HAPLN1: variants seen among roughly 807,000 people sequenced by gnomAD.
HAPLN1 encodes hyaluronan and proteoglycan link protein 1, also known as Cartilage link protein.
HAPLN1 carries 13 observed loss-of-function variants against 36.5 expected under a neutral mutation model. That is an observed-to-expected ratio of 0.36 (90% CI 0.23 to 0.57). The LOEUF is 0.57. HAPLN1 is among the 20% of genes least tolerant of loss of function. The pLI, the probability that HAPLN1 is intolerant of heterozygous loss-of-function variation, is 0.83. For missense variants in HAPLN1, 407 were observed against 439.7 expected (o/e 0.93, Z 0.66); for synonymous variants, 202 against 169.8 (o/e 1.19, Z -1.48).
chr5:83,671,695 T>C (rs1439008394), intron 2 of HAPLN1, among the ~76,000 whole-genome samples: 1 of 152,198 alleles, frequency 6.6e-6, no homozygotes, highest in Non-Finnish European at 1.5e-5. Context: ...GGTATTTCAT[T>C]TACGGGCATA....
intron 2 of HAPLN1, among the ~76,000 whole-genome samples, chr5:83,660,698 T>C (rs1336499555): frequency 6.6e-6 from 1 of 152,204 alleles, no homozygotes; most frequent in East Asian, 1.9e-4. Flanking sequence ...TTGTGGCTTC[T>C]GCCTTTCCAC....
Position 83,673,435 on chromosome 5 carries a change from A to C in HAPLN1, c.89T>G (p.Ile30Ser). 6.3e-7 allele frequency: 1 copy of C among 1,598,164 alleles called. No homozygotes were observed. The highest frequency in any genetic ancestry group is 8.5e-7 in the Non-Finnish European group (1 of 1,172,518). Residue 30 changes from isoleucine to serine, a missense_variant, in exon 2 of 5, where the codon ATT (isoleucine) becomes AGT (serine). Transcript: ENST00000274341. ...DNYTLDHDRA[I>S]HIQAENGPHL... ...CTGTGTTTCCTTACCTTGGATGTGA[A>C]TAGCTCTGTCATGATCCAGAGTATA...
chr5:83,649,821 A>T (rs1750002334), intron 3 of HAPLN1, among the ~76,000 whole-genome samples: 1 of 152,162 alleles, frequency 6.6e-6, no homozygotes, highest in South Asian at 2.1e-4. Context: ...GAAAGTTTAA[A>T]CACTTTGTAT....
intron 1 of HAPLN1, among the ~76,000 whole-genome samples, chr5:83,684,364 A>G (rs10155658): frequency 0.28 from 42,870 of 151,938 alleles, 6,639 homozygotes; most frequent in East Asian, 0.41. Context: ...GGGAAGCAAT[A>G]TAAAAGAACA....
At chr5:83,689,691 A>AT (rs910911452) in intron 1 of HAPLN1, among the ~76,000 whole-genome samples, 2 of 152,014 alleles carry the variant, frequency 1.3e-5, no homozygotes, top group Non-Finnish European at 2.9e-5. Flanking sequence ...AAAGGGAGAG[A>AT]TTTTTTTATT....
intron 2 of HAPLN1, among the ~76,000 whole-genome samples, 190 bp from the exon 3 acceptor site, chr5:83,653,014 G>A (rs1353738254): frequency 6.6e-6 from 1 of 152,076 alleles, no homozygotes; most frequent in African/African-American, 2.4e-5. Flanking sequence ...CTCTAAAGTA[G>A]TCATTTTTAA....
rs1398102592 is a variant in HAPLN1 at position 83,644,398 on chromosome 5, C to T, written c.740G>A (p.Arg247Lys). 3.8e-6 allele frequency: 6 copies of T among 1,589,534 alleles called. No individual in the cohort carries two copies. The highest frequency in any genetic ancestry group is 5.1e-6 in the Non-Finnish European group (6 of 1,170,458). ...NYGFWDKDKS[R>K]YDVFCFTSNF... ...GGATGTAAAACAGAAAACATCATAT[C>T]TGCTTTTATCTTTATCCCAAAATCC... The change falls in exon 4 of 5, where the codon AGA (arginine) becomes AAA (lysine). Residue 247 changes from arginine (R) to lysine (K), a missense_variant. Transcript: ENST00000274341.
At chr5:83,671,886 T>A (rs1750736344) in intron 2 of HAPLN1, among the ~76,000 whole-genome samples, 1 of 152,202 alleles carries the variant, frequency 6.6e-6, no homozygotes. Flanking sequence ...GGACAGTGTA[T>A]GCAAATAATC....
intron 1 of HAPLN1, among the ~76,000 whole-genome samples, chr5:83,718,135 C>A (rs1174207890): frequency 6.6e-6 from 1 of 152,204 alleles, no homozygotes; most frequent in Non-Finnish European, 1.5e-5. Flanking sequence ...AGTTATTAAG[C>A]TATATCCTTG....
At chr5:83,668,667 A>G (rs1750619221) in intron 2 of HAPLN1, among the ~76,000 whole-genome samples, 1 of 152,246 alleles carries the variant, frequency 6.6e-6, no homozygotes, top group Non-Finnish European at 1.5e-5. Context: ...ATTTAGAAGT[A>G]TCTCATTACC....
At chr5:83,647,884 G>T (rs1169195033) in intron 3 of HAPLN1, among the ~76,000 whole-genome samples, 1 of 152,104 alleles carries the variant, frequency 6.6e-6, no homozygotes, top group African/African-American at 2.4e-5. Context: ...CTGTCATAGT[G>T]CTTATCAGTG....
chr5:83,693,117 G>C (rs1019231257), intron 1 of HAPLN1, among the ~76,000 whole-genome samples: 2 of 151,928 alleles, frequency 1.3e-5, no homozygotes, highest in South Asian at 2.1e-4. Context: ...TGTCATAAAA[G>C]TTATATGAGT....
At chr5:83,673,337 T>A in intron 2 of HAPLN1, 87 bp downstream of exon 2, 1 of 908,536 alleles carries the variant, frequency 1.1e-6, no homozygotes, top group East Asian at 2.6e-5. Context: ...GCAGCAGAAC[T>A]AAAATTAAGA....
At chr5:83,660,713 A>G (rs1044174987) in intron 2 of HAPLN1, among the ~76,000 whole-genome samples, 3 of 151,876 alleles carry the variant, frequency 2.0e-5, no homozygotes, top group East Asian at 1.9e-4. Context: ...TTCCACATTC[A>G]TTATTTCATT....
rs369645739 is a variant in HAPLN1 at position 83,694,938 on chromosome 5, C to T, written c.-26-21389G>A. ...CTATGAGGCTAGCATTATTTCAATACCAAAATCAGACAAAAACATTTCAAG... is the reference window on the plus strand; with the variant it reads ...CTATGAGGCTAGCATTATTTCAATATCAAAATCAGACAAAAACATTTCAAG... On this transcript the variant is annotated intron_variant, in intron 1 of 4. Coordinates refer to ENST00000274341, the MANE Select transcript of HAPLN1 (RefSeq NM_001884.4). Among the ~76,000 whole-genome samples the T allele has an allele frequency of 5.3e-5, 8 of 152,048 alleles. No homozygotes were observed. In the East Asian group the frequency reaches 9.7e-4, roughly 18 times the overall value.
At chr5:83,655,158 A>G (rs1227846261) in intron 2 of HAPLN1, among the ~76,000 whole-genome samples, 1 of 152,228 alleles carries the variant, frequency 6.6e-6, no homozygotes, top group Non-Finnish European at 1.5e-5. Flanking sequence ...ACTTGGAAAT[A>G]GGAGAGTTGG....
rs534017144 is a variant in HAPLN1 at position 83,716,593 on chromosome 5, A to G, written c.-27+4196T>C. Among the ~76,000 whole-genome samples the G allele has an allele frequency of 1.7e-3, 254 of 152,332 alleles. 2 individuals carry two copies. Among genetic ancestry groups the G allele is most frequent in the Non-Finnish European group, 3.2e-3 (221 of 68,032 alleles). ...CTTCCATGTCTCTATCAGTGGGAGA[A>G]GTTATTATGTGGAGCAAAGGCAATA... On this transcript the variant is annotated intron_variant, in intron 1 of 4. Transcript: ENST00000274341.
intron 2 of HAPLN1, among the ~76,000 whole-genome samples, chr5:83,668,522 G>T (rs1003980777): frequency 6.6e-6 from 1 of 152,216 alleles, no homozygotes; most frequent in African/African-American, 2.4e-5. Flanking sequence ...TGTGAACTAT[G>T]ATTTAGCTGA....
intron 1 of HAPLN1, among the ~76,000 whole-genome samples, chr5:83,715,286 A>G (rs979152984): frequency 6.6e-6 from 1 of 152,252 alleles, no homozygotes; most frequent in African/African-American, 2.4e-5. Context: ...AGTGAACCTC[A>G]TTCACAATTA....
Sources: allele counts gnomAD v4.1 joint callset (sites outside exome capture counted in the v4.1 genomes callset), GRCh38; gene constraint gnomAD v4.1.1; transcripts MANE v1.5; gene names NCBI Gene and HGNC (gene_info 2026-07-23, HGNC 2026-07-21).